Variants in SEMA6D observed in about 807,000 individuals in gnomAD.
SEMA6D encodes semaphorin-6D.
A neutral mutation model predicts 106.6 loss-of-function variants in SEMA6D; 35 were observed. That is an observed-to-expected ratio of 0.33 (90% confidence interval 0.25 to 0.44). SEMA6D has a LOEUF of 0.44. Among genes scored for constraint, SEMA6D ranks in the 20% least tolerant of loss-of-function variants. SEMA6D has a pLI of 1.00. For synonymous variants in SEMA6D, 499 were observed against 487.7 expected, an observed-to-expected ratio of 1.02 and a Z score of -0.31; for missense variants, 1,185 against 1,345.9, an observed-to-expected ratio of 0.88 and a Z score of 1.87.
At chr15:47,676,357 G>C (rs562834619) in intron 4 of SEMA6D, among the ~76,000 whole-genome samples, 2 of 152,128 alleles carry the variant, frequency 1.3e-5, no homozygotes, top group Non-Finnish European at 1.5e-5. Context: ...TAGGACATAG[G>C]ACAGAAGGAG....
At chr15:47,217,054 G>A (rs2030686204) in intron 1 of SEMA6D, among the ~76,000 whole-genome samples, 1 of 151,938 alleles carries the variant, frequency 6.6e-6, no homozygotes, top group South Asian at 2.1e-4. Flanking sequence ...ACCCTCTACA[G>A]TCTAAGAGGC....
At chr15:47,665,408 T>A (rs2078006650) in intron 4 of SEMA6D, among the ~76,000 whole-genome samples, 1 of 152,230 alleles carries the variant, frequency 6.6e-6, no homozygotes, top group Non-Finnish European at 1.5e-5. Context: ...TTCTTTATCC[T>A]GTAAGCTTTT....
intron 1 of SEMA6D, among the ~76,000 whole-genome samples, chr15:47,349,166 A>G (rs1411172832): frequency 6.6e-6 from 1 of 151,392 alleles, no homozygotes; most frequent in African/African-American, 2.4e-5. Context: ...ATAGTCATTT[A>G]TCTAAGCCTG....
At chr15:47,376,774 T>C (rs2039464500) in intron 1 of SEMA6D, among the ~76,000 whole-genome samples, 1 of 152,196 alleles carries the variant, frequency 6.6e-6, no homozygotes, top group African/African-American at 2.4e-5. Context: ...TAAAATATGT[T>C]AAGTACCCCC....
At chr15:47,221,575 TA>T (rs1181268912) in intron 1 of SEMA6D, among the ~76,000 whole-genome samples, 1 of 152,068 alleles carries the variant, frequency 6.6e-6, no homozygotes, top group African/African-American at 2.4e-5. Flanking sequence ...CTTGTGTAGT[TA>T]AAAAAAATTT....
intron 1 of SEMA6D, among the ~76,000 whole-genome samples, chr15:47,297,383 T>C (rs1488319529): frequency 6.6e-6 from 1 of 152,194 alleles, no homozygotes; most frequent in East Asian, 1.9e-4. Flanking sequence ...CTCGTCAGTT[T>C]GTCTAGCCTT....
rs1412093121 is a variant in SEMA6D, at chr15:47,770,968, G to A, written c.2405G>A (p.Arg802Lys). 1 of 1,614,028 alleles carries A rather than the reference G, an allele frequency of 6.2e-7. No homozygotes were observed. The highest frequency in any genetic ancestry group is 2.2e-5 in the East Asian group (1 of 44,852). Residue 802 changes from arginine to lysine, a missense_variant, in exon 19 of 19, where the codon AGG becomes AAG. Arg to Lys is a conservative substitution (Grantham distance 26, BLOSUM62 2). Coordinates refer to ENST00000536845, the MANE Select transcript of SEMA6D (RefSeq NM_001358351.3). Reference sequence around the variant, plus strand: ...AAGGCCCATGGCCATGGAGCTTCAAGGAAAGAAACCCCTCAGTTTTTTCCG... The same window carrying A: ...AAGGCCCATGGCCATGGAGCTTCAAAGAAAGAAACCCCTCAGTTTTTTCCG... ...SEKAHGHGAS[R>K]KETPQFFPSS...
At chr15:47,214,132 G>A (rs1873779769) in intron 1 of SEMA6D, among the ~76,000 whole-genome samples, 1 of 152,160 alleles carries the variant, frequency 6.6e-6, no homozygotes, top group African/African-American at 2.4e-5. Flanking sequence ...ACATTATACT[G>A]ATGCCTGGTC....
intron 1 of SEMA6D, among the ~76,000 whole-genome samples, chr15:47,407,409 C>CAAAAAAA (rs1323921492): frequency 8.4e-6 from 1 of 118,866 alleles, no homozygotes; most frequent in African/African-American, 3.0e-5. Flanking sequence ...ACAACAACAA[C>CAAAAAAA]AAAAAAAACA....
intron 1 of SEMA6D, among the ~76,000 whole-genome samples, chr15:47,339,873 A>C (rs1322525883): frequency 6.6e-6 from 1 of 151,980 alleles, no homozygotes. Context: ...AGAAAGAAAG[A>C]AGGAAAGAGA....
In SEMA6D at chr15:47,300,158, G is replaced by A. The variant is rs138288112; in HGVS notation, c.-238-112235G>A. 6.1e-3 allele frequency among the ~76,000 whole-genome samples: 931 copies of A among 152,242 alleles called. 15 individuals are homozygous for A. The highest frequency in any genetic ancestry group is 0.021 in the African/African-American group (882 of 41,546). ...TTGTCCTGCCTGGTGGGTGCCCTCC[G>A]CAGCTCAGCTGCTGTGCTTTCCTCC... is the stretch of plus-strand genomic sequence containing the variant. On this transcript the variant is annotated intron_variant, in intron 1 of 19. Coordinates refer to the SEMA6D transcript ENST00000558014.
chr15:47,676,445 C>CT (rs949147891), intron 4 of SEMA6D, among the ~76,000 whole-genome samples: 1 of 152,218 alleles, frequency 6.6e-6, no homozygotes, highest in African/African-American at 2.4e-5. Context: ...GGAAAAATCG[C>CT]ACACATTTCT....
Position 47,772,814 on chromosome 15 carries a change from A to ACCG in SEMA6D, c.*1029_*1030insCCG, listed in dbSNP as rs2082691503. ...GATTGTGTTCGTTTCCCCCCCCCCAATAGTAAAATTTCTCCTCCTTTAACT... is the reference window on the plus strand; with the variant it reads ...GATTGTGTTCGTTTCCCCCCCCCCAACCGTAGTAAAATTTCTCCTCCTTTAACT... On this transcript the variant is annotated 3_prime_UTR_variant, in exon 19 of 19. Transcript: ENST00000536845. The ACCG allele has an allele frequency of 1.2e-5, 1 of 82,374 alleles. No individual in the cohort carries two copies. 5.1% of individuals were successfully genotyped at this position (82,374 alleles called of 1,614,324 possible).
chr15:47,199,410 G>A (rs1429189129), intron 1 of SEMA6D, among the ~76,000 whole-genome samples: 3 of 152,138 alleles, frequency 2.0e-5, no homozygotes, highest in Admixed American at 1.3e-4. Context: ...AAAGGTATAA[G>A]CAAGCCACTT....
chr15:47,593,274 T>G (rs1214070219), intron 3 of SEMA6D, among the ~76,000 whole-genome samples: 1 of 151,836 alleles, frequency 6.6e-6, no homozygotes, highest in Non-Finnish European at 1.5e-5. Context: ...CTGTGGTGGC[T>G]GGCGCCTGTA....
At chr15:47,357,194 C>T (rs918791455) in intron 1 of SEMA6D, among the ~76,000 whole-genome samples, 20 of 151,766 alleles carry the variant, frequency 1.3e-4, no homozygotes, top group Non-Finnish European at 2.2e-4. Flanking sequence ...ATTAGCCGGG[C>T]GAGGTGGCGG....
chr15:47,553,184 A>G (rs2045814770), intron 3 of SEMA6D, among the ~76,000 whole-genome samples: 1 of 151,750 alleles, frequency 6.6e-6, no homozygotes, highest in Admixed American at 6.6e-5. Flanking sequence ...GATTACAGGC[A>G]TGAGCCACCG....
At chr15:47,599,124 A>G (rs2076593720) in intron 3 of SEMA6D, among the ~76,000 whole-genome samples, 1 of 152,054 alleles carries the variant, frequency 6.6e-6, no homozygotes, top group African/African-American at 2.4e-5. Flanking sequence ...AGGAATCTGC[A>G]TTGTTAATAA....
At chr15:47,720,794 G>C (rs2079379931) in intron 1 of SEMA6D, among the ~76,000 whole-genome samples, 1 of 152,164 alleles carries the variant, frequency 6.6e-6, no homozygotes, top group Admixed American at 6.5e-5. Context: ...TCTTGCATGT[G>C]AGTTTCACTA....
Sources: gnomAD v4.1 joint callset for allele counts (sites outside exome capture counted in the v4.1 genomes callset) on GRCh38, gnomAD v4.1.1 for gene constraint, MANE v1.5 for transcripts, NCBI Gene and HGNC (gene_info 2026-07-23, HGNC 2026-07-21) for gene names.